GRIK4: variants seen among roughly 807,000 people sequenced by gnomAD.
GRIK4 encodes glutamate receptor ionotropic, kainate 4.
A neutral mutation model predicts 104.9 loss-of-function variants in GRIK4; 40 were observed. That is an observed-to-expected ratio of 0.38 (90% CI 0.30 to 0.50). The LOEUF (loss-of-function observed/expected upper bound fraction) is 0.50, where lower values mean the gene tolerates loss of function less well. Ranked by LOEUF, GRIK4 falls within the 20% of genes least tolerant of loss-of-function variation. The pLI, the probability that GRIK4 is intolerant of heterozygous loss-of-function variation, is 0.93. For synonymous variants in GRIK4, 485 were observed against 524.9 expected (o/e 0.92, Z 1.04); for missense variants, 1,047 against 1,308.1 (o/e 0.80, Z 3.08).
intron 9 of GRIK4, chr11:120,871,278 C>T (rs1268890645): frequency 4.3e-6 from 1 of 234,498 alleles, no homozygotes. Flanking sequence ...TAGTCTGTGG[C>T]ATGTGAGAGG....
chr11:120,764,330 C>G (rs994737358), intron 3 of GRIK4, among the ~76,000 whole-genome samples: 1 of 152,060 alleles, frequency 6.6e-6, no homozygotes, highest in Non-Finnish European at 1.5e-5. Flanking sequence ...TTTGAGCCCA[C>G]GTGTGTCTTT....
chr11:120,705,050 G>A (rs1842263498), intron 3 of GRIK4, among the ~76,000 whole-genome samples: 1 of 152,078 alleles, frequency 6.6e-6, no homozygotes, highest in Non-Finnish European at 1.5e-5. Flanking sequence ...TCCATTGACT[G>A]TATGACTATC....
intron 13 of GRIK4, among the ~76,000 whole-genome samples, chr11:120,925,565 G>T (rs1454246800): frequency 3.3e-5 from 5 of 152,212 alleles, no homozygotes; most frequent in African/African-American, 1.2e-4. Flanking sequence ...TGGGAGACAG[G>T]CAGAAGAGGG....
intron 3 of GRIK4, among the ~76,000 whole-genome samples, chr11:120,747,469 A>T (rs148785691): frequency 4.3e-4 from 65 of 152,312 alleles, no homozygotes; most frequent in African/African-American, 1.5e-3. Flanking sequence ...GCCAGAAGTG[A>T]TGGAAAAAGT....
chr11:120,934,510 C>T (rs144456931), intron 13 of GRIK4, among the ~76,000 whole-genome samples: 1,608 of 152,238 alleles, frequency 0.011, 14 homozygotes, highest in Admixed American at 0.018. Flanking sequence ...GCAGTGGCCA[C>T]GCCAAGCCTT....
intron 3 of GRIK4, among the ~76,000 whole-genome samples, chr11:120,677,593 A>C (rs1026701590): frequency 2.0e-5 from 3 of 152,232 alleles, no homozygotes; most frequent in African/African-American, 7.2e-5. Context: ...TTGTTGGTAC[A>C]TGTTCTAAAT....
chr11:120,643,419 G>A (rs1433704764), intron 1 of GRIK4, among the ~76,000 whole-genome samples: 1 of 152,162 alleles, frequency 6.6e-6, no homozygotes. Context: ...GGCACCGTGG[G>A]ACCCAGCGTT....
At chr11:120,649,204 C>T (rs1225929993) in intron 1 of GRIK4, among the ~76,000 whole-genome samples, 1 of 152,172 alleles carries the variant, frequency 6.6e-6, no homozygotes, top group East Asian at 1.9e-4. Flanking sequence ...GCCCTCTGCC[C>T]CACACACCTG....
At chr11:120,621,313 C>T (rs1313485628) in intron 1 of GRIK4, among the ~76,000 whole-genome samples, 1 of 152,172 alleles carries the variant, frequency 6.6e-6, no homozygotes, top group Admixed American at 6.5e-5. Context: ...CTGCAAGGCC[C>T]CCTGCTAGAG....
intron 3 of GRIK4, among the ~76,000 whole-genome samples, chr11:120,673,195 C>T (rs952283355): frequency 6.6e-6 from 1 of 152,184 alleles, no homozygotes; most frequent in Non-Finnish European, 1.5e-5. Flanking sequence ...GGGAAAAACC[C>T]TTTGTTTAGT....
intron 13 of GRIK4, among the ~76,000 whole-genome samples, chr11:120,930,226 T>A (rs679934): frequency 6.6e-6 from 1 of 152,224 alleles, no homozygotes. Flanking sequence ...TCAGCGTCTT[T>A]GTCTCCAAAA....
At chr11:120,911,400 G>A (rs1233672540) in intron 13 of GRIK4, among the ~76,000 whole-genome samples, 71 of 149,204 alleles carry the variant, frequency 4.8e-4, no homozygotes, top group Non-Finnish European at 9.4e-4. Context: ...CACCATGCCC[G>A]GCTAATTTTT....
chr11:120,682,719 A>C (rs1438896481), intron 3 of GRIK4, among the ~76,000 whole-genome samples: 1 of 151,720 alleles, frequency 6.6e-6, no homozygotes, highest in Non-Finnish European at 1.5e-5. Flanking sequence ...AGTGGGTTGC[A>C]TAGATATGTG....
Position 120,555,672 on chromosome 11 carries a change from G to A in GRIK4, c.-159+43785G>A, listed in dbSNP as rs1051456203. On this transcript the variant is annotated intron_variant, in intron 1 of 20. Transcript: ENST00000527524. The surrounding 1 kb of genome is among the most constrained non-coding windows in gnomAD (Gnocchi z 5.3). ...CAGGTGGTGAGGTGGAGGAGGGGCA[G>A]AGGGGAGGTCTGCCCTCCTTCTGCC... 2.6e-4 allele frequency among the ~76,000 whole-genome samples: 39 copies of A among 152,208 alleles called. No individual in the cohort carries two copies. Among genetic ancestry groups the A allele is most frequent in the Admixed American group, 3.3e-4 (5 of 15,290 alleles).
At chr11:120,861,093 CTT>C (rs547199127) in intron 8 of GRIK4, among the ~76,000 whole-genome samples, 173 of 86,430 alleles carry the variant, frequency 2.0e-3, no homozygotes, top group African/African-American at 6.8e-3. Context: ...AAATCATCCT[CTT>C]TTTTTTTTTT....
chr11:120,539,017 T>C (rs1044182420), intron 1 of GRIK4, among the ~76,000 whole-genome samples: 1 of 152,248 alleles, frequency 6.6e-6, no homozygotes, highest in African/African-American at 2.4e-5. Flanking sequence ...CCAAAGCTTC[T>C]TGGGTGTACC....
intron 20 of GRIK4, among the ~76,000 whole-genome samples, chr11:120,984,767 C>CT (rs1440493128): frequency 6.9e-6 from 1 of 144,718 alleles, no homozygotes; most frequent in African/African-American, 2.6e-5. Flanking sequence ...AGACTCTTGT[C>CT]TAAAAAAAAC....
rs554598834 is a variant in GRIK4, at chr11:120,630,118, T to C, written c.-158-23567T>C. ...CTGCAAGTAAAGTGGCTGGAAGGGT[T>C]TCCTCTCTTCCTGCCTAGCCCAGCC... is the stretch of plus-strand genomic sequence containing the variant. On this transcript the variant is annotated intron_variant, in intron 1 of 20. Coordinates refer to ENST00000527524, the MANE Select transcript of GRIK4 (RefSeq NM_014619.5). Among the ~76,000 whole-genome samples the C allele has an allele frequency of 3.5e-4, 54 of 152,252 alleles. 1 individual carries two copies. In the South Asian group the frequency reaches 0.011, roughly 30 times the overall value.
intron 1 of GRIK4, among the ~76,000 whole-genome samples, chr11:120,553,257 G>A (rs920687458): frequency 6.6e-6 from 1 of 152,206 alleles, no homozygotes; most frequent in Non-Finnish European, 1.5e-5. Context: ...GTGTTGGAGG[G>A]TCCAGGACAG....
Sources: allele counts gnomAD v4.1 joint callset (sites outside exome capture counted in the v4.1 genomes callset), GRCh38; gene constraint gnomAD v4.1.1; non-coding constraint Gnocchi (gnomAD v3.1); transcripts MANE v1.5; gene names NCBI Gene and HGNC (gene_info 2026-07-23, HGNC 2026-07-21).